EHMT1: variants seen among roughly 807,000 people sequenced by gnomAD.
EHMT1 encodes the protein histone-lysine N-methyltransferase EHMT1.
A neutral mutation model predicts 147.2 loss-of-function variants in EHMT1; 15 were observed. The observed-to-expected ratio is 0.10, with a 90% CI of 0.07 to 0.16. The LOEUF (loss-of-function observed/expected upper bound fraction) is 0.16, where lower values mean the gene tolerates loss of function less well. Ranked by LOEUF, EHMT1 falls within the 10% of genes least tolerant of loss-of-function variation. The pLI is 1.00. For missense variants in EHMT1, 1,587 were observed against 1,772.4 expected (o/e 0.90, Z 1.88); for synonymous variants, 795 against 709.6 (o/e 1.12, Z -1.91).
At chr9:137,669,507 G>GGCC (rs1940250071) in intron 1 of EHMT1, among the ~76,000 whole-genome samples, 1 of 35,222 alleles carries the variant, frequency 2.8e-5, no homozygotes, top group African/African-American at 1.3e-4. Flanking sequence ...CTCCCAAGAC[G>GGCC]CCCCGCACAG....
At chr9:137,763,658 T>C (rs1412582046) in intron 10 of EHMT1, 2 of 153,494 alleles carry the variant, frequency 1.3e-5, no homozygotes, top group Admixed American at 1.3e-4. Context: ...ATTGTGGAAG[T>C]AAGTGAGCTG....
chr9:137,721,595 C>T (rs887309791), intron 3 of EHMT1, among the ~76,000 whole-genome samples: 5 of 143,524 alleles, frequency 3.5e-5, no homozygotes, highest in East Asian at 2.1e-4. Flanking sequence ...CGCCTCTCAC[C>T]GTCACCCTCT....
Position 137,811,551 on chromosome 9 carries a change from G to A in EHMT1, c.2803G>A (p.Val935Met), listed in dbSNP as rs762121901. 9.3e-5 allele frequency: 149 copies of A among 1,608,988 alleles called. No homozygotes were observed. The highest frequency in any genetic ancestry group is 1.1e-4 in the Non-Finnish European group (131 of 1,180,016). Residue 935 changes from valine to methionine, a missense_variant, in exon 19 of 27, where the codon GTG becomes ATG. By Grantham distance (21) the Val-to-Met change is conservative (BLOSUM62 1). Around this residue, in one of 7 missense-constraint regions of EHMT1, gnomAD observed 201 missense variants for 350.1 expected, o/e 0.57. Coordinates refer to ENST00000460843, the MANE Select transcript of EHMT1 (RefSeq NM_024757.5). ...GGCTGCCAAGTGCGACCTCCACGCC[G>A]TGAACATCCACGGAGACTCGCCACT... ...LLAAKCDLHA[V>M]NIHGDSPLHI... is the part of the protein sequence containing the mutation.
chr9:137,729,699 T>A (rs1946934887), intron 4 of EHMT1, among the ~76,000 whole-genome samples: 1 of 152,110 alleles, frequency 6.6e-6, no homozygotes, highest in Non-Finnish European at 1.5e-5. Context: ...TGGCACAATC[T>A]CGCCCCCGGC....
At chr9:137,726,454 C>T (rs1354377794) in intron 3 of EHMT1, among the ~76,000 whole-genome samples, 1 of 152,210 alleles carries the variant, frequency 6.6e-6, no homozygotes, top group African/African-American at 2.4e-5. Flanking sequence ...CCCAGCTTCG[C>T]TGCTTCTCAG....
chr9:137,633,247 A>G (rs996027740), intron 1 of EHMT1, among the ~76,000 whole-genome samples: 4 of 152,114 alleles, frequency 2.6e-5, no homozygotes, highest in Non-Finnish European at 5.9e-5. Context: ...TTTCAGACTC[A>G]TGCACCAAGA....
At chr9:137,625,435 C>G (rs1843195675) in intron 1 of EHMT1, among the ~76,000 whole-genome samples, 1 of 151,908 alleles carries the variant, frequency 6.6e-6, no homozygotes, top group Non-Finnish European at 1.5e-5. Context: ...AACTCCTGGG[C>G]TCAAGCAAGC....
chr9:137,828,858 G>A lies in EHMT1; in HGVS notation c.3541-5491G>A, dbSNP rs935234809. On this transcript the variant is annotated intron_variant, in intron 25 of 26. Transcript: ENST00000460843. The surrounding 1 kb of genome is among the most constrained non-coding windows in gnomAD (Gnocchi z 5.3). ...CAGTTCAGCACCTTGGAGAGCTGCC[G>A]CCTCTGTGCCTCCCCTCCTGCTTGC... 7.2e-5 allele frequency among the ~76,000 whole-genome samples: 11 copies of A among 152,098 alleles called. No individual in the cohort carries two copies. The highest frequency in any genetic ancestry group is 2.7e-4 in the African/African-American group (11 of 41,424).
chr9:137,788,178 G>T (rs1952153381), intron 15 of EHMT1: 5 of 716,960 alleles, frequency 7.0e-6, no homozygotes, highest in Non-Finnish European at 8.8e-6. Flanking sequence ...CCCCGTACCT[G>T]CCTGCAGAAG....
chr9:137,782,886 C>G lies in EHMT1; in HGVS notation c.2382+489C>G, dbSNP rs1478359171. ...CTGCCACCTGCTAATTTATTCTGAA[C>G]CATCTGAACGCTGCCCGCTTGTCTC... On this transcript the variant is annotated intron_variant, in intron 15 of 26. Transcript: ENST00000460843. The surrounding 1 kb of genome is among the most constrained non-coding windows in gnomAD (Gnocchi z 5.7). Among the ~76,000 whole-genome samples, 1 of 152,190 alleles carries G rather than the reference C, an allele frequency of 6.6e-6. No individual in the cohort carries two copies. Among genetic ancestry groups the G allele is most frequent in the African/African-American group, 2.4e-5 (1 of 41,454 alleles).
At chr9:137,694,085 C>A (rs1469828094) in intron 1 of EHMT1, among the ~76,000 whole-genome samples, 4 of 85,888 alleles carry the variant, frequency 4.7e-5, no homozygotes, top group Non-Finnish European at 9.5e-5. Flanking sequence ...GCCGATACCC[C>A]CCACACAGTG....
chr9:137,718,841 C>T (rs949923409), intron 3 of EHMT1, among the ~76,000 whole-genome samples: 27 of 151,684 alleles, frequency 1.8e-4, no homozygotes, highest in Admixed American at 1.6e-3. Context: ...CTATAACCCC[C>T]GCCTCCCAGG....
intron 1 of EHMT1, among the ~76,000 whole-genome samples, chr9:137,631,362 A>G (rs910805808): frequency 1.3e-5 from 2 of 152,110 alleles, no homozygotes; most frequent in African/African-American, 2.4e-5. Flanking sequence ...ATTGGACTCC[A>G]GCCTGGGTAA....
chr9:137,828,439 G>T lies in EHMT1; in HGVS notation c.3541-5910G>T, dbSNP rs756766058. On this transcript the variant is annotated intron_variant, in intron 25 of 26. Coordinates refer to ENST00000460843, the MANE Select transcript of EHMT1 (RefSeq NM_024757.5). The surrounding 1 kb of genome is among the most constrained non-coding windows in gnomAD (Gnocchi z 5.3). The stretch of plus-strand genomic sequence containing the variant: ...TTGCCAAGGCCACATCCTGACTCTA[G>T]GCCCCTCTGGTCTGGGCAGTGAGGC... 4.6e-5 allele frequency among the ~76,000 whole-genome samples: 7 copies of T among 152,066 alleles called. No homozygotes were observed. Among genetic ancestry groups the T allele is most frequent in the Non-Finnish European group, 1.0e-4 (7 of 67,978 alleles).
At chr9:137,735,701 G>T (rs1362253583) in intron 4 of EHMT1, among the ~76,000 whole-genome samples, 6 of 152,180 alleles carry the variant, frequency 3.9e-5, no homozygotes, top group Non-Finnish European at 8.8e-5. Context: ...AGCTTGAGGT[G>T]ATTGGTCATG....
At chr9:137,684,938 A>G (rs939814009) in intron 1 of EHMT1, among the ~76,000 whole-genome samples, 1 of 152,192 alleles carries the variant, frequency 6.6e-6, no homozygotes, top group Non-Finnish European at 1.5e-5. Flanking sequence ...TACTGCATAT[A>G]CATTGTATTT....
At position 137,781,073 on chromosome 9, in the gene EHMT1, ATGTGTGGTGAT is replaced by A. The variant is rs1564748234; in HGVS notation, c.2276-1217_2276-1207del. On this transcript the variant is annotated intron_variant, in intron 14 of 26. Coordinates refer to ENST00000460843, the MANE Select transcript of EHMT1 (RefSeq NM_024757.5). Reference sequence around the variant, plus strand: ...CGAGACGTGTGGTGATGACGCCGGGATGTGTGGTGATGACGCTGGGATGTGTGGTGATGACG... The same window carrying A: ...CGAGACGTGTGGTGATGACGCCGGGAGACGCTGGGATGTGTGGTGATGACG... Among the ~76,000 whole-genome samples the A allele has an allele frequency of 2.0e-3, 231 of 118,060 alleles. 1 individual carries two copies. Among genetic ancestry groups the A allele is most frequent in the Non-Finnish European group, 2.1e-3 (118 of 55,612 alleles). The allele number at this position is 118,060 out of a possible 152,430, so 77.5% of individuals were successfully genotyped here.
intron 1 of EHMT1, among the ~76,000 whole-genome samples, chr9:137,633,262 A>C (rs1489230688): frequency 3.3e-5 from 5 of 152,168 alleles, no homozygotes; most frequent in Non-Finnish European, 7.3e-5. Flanking sequence ...CCAAGAAGCA[A>C]AATCAAGGAT....
intron 16 of EHMT1, among the ~76,000 whole-genome samples, chr9:137,793,927 A>G (rs185062020): frequency 1.2e-4 from 19 of 152,220 alleles, no homozygotes; most frequent in African/African-American, 4.6e-4. Flanking sequence ...GTTTTGGGTA[A>G]TGAAAAAGTT....
Sources: gnomAD v4.1 joint callset for allele counts (sites outside exome capture counted in the v4.1 genomes callset) on GRCh38, gnomAD v4.1.1 for gene constraint, gnomAD v4.1.1 regional missense constraint, Gnocchi (gnomAD v3.1) non-coding constraint, MANE v1.5 for transcripts, NCBI Gene and HGNC (gene_info 2026-07-23, HGNC 2026-07-21) for gene names.